The following GMDS variants were observed in gnomAD, a reference collection of about 807,000 sequenced individuals.
GMDS encodes GDP-mannose 4,6-dehydratase.
In GMDS, 20 loss-of-function variants were observed where a neutral mutation model predicts 49.9. That is an observed-to-expected ratio of 0.40 (90% confidence interval 0.28 to 0.58). GMDS has a LOEUF of 0.58. GMDS is among the 20% of genes least tolerant of loss of function. The pLI is 0.42. For synonymous variants in GMDS, 177 were observed against 178.6 expected (o/e 0.99, Z 0.07); for missense variants, 362 against 481.4 (o/e 0.75, Z 2.32).
chr6:1,626,766 T>C (rs1298388515), intron 9 of GMDS, among the ~76,000 whole-genome samples: 3 of 152,194 alleles, frequency 2.0e-5, no homozygotes, highest in Admixed American at 6.5e-5. Flanking sequence ...GCTTGGGAAA[T>C]GGAGCTTTGT....
At chr6:2,147,903 C>T (rs1776647529) in intron 1 of GMDS, among the ~76,000 whole-genome samples, 1 of 150,334 alleles carries the variant, frequency 6.7e-6, no homozygotes, top group African/African-American at 2.5e-5. Context: ...TGCATAATGA[C>T]ACAGATGTGT....
chr6:1,896,220 G>A (rs374467208), intron 7 of GMDS, among the ~76,000 whole-genome samples: 3 of 152,136 alleles, frequency 2.0e-5, no homozygotes, highest in East Asian at 3.9e-4. Flanking sequence ...CAGCATCCTC[G>A]GCCTCAACCC....
intron 7 of GMDS, among the ~76,000 whole-genome samples, chr6:1,894,800 C>G (rs945457505): frequency 6.6e-6 from 1 of 152,156 alleles, no homozygotes; most frequent in Non-Finnish European, 1.5e-5. Flanking sequence ...TCTAAAAGTA[C>G]TCTTAGGTAT....
At chr6:1,991,785 T>C (rs1765955662) in intron 4 of GMDS, among the ~76,000 whole-genome samples, 1 of 152,180 alleles carries the variant, frequency 6.6e-6, no homozygotes, top group Admixed American at 6.5e-5. Context: ...TCATTTGTAA[T>C]TAGAGTACCT....
At chr6:1,858,060 A>T (rs1260732015) in intron 7 of GMDS, among the ~76,000 whole-genome samples, 2 of 152,196 alleles carry the variant, frequency 1.3e-5, no homozygotes, top group African/African-American at 4.8e-5. Context: ...ACTTACGAAG[A>T]TCTATGTCAT....
At chr6:2,110,842 A>C (rs1363131876) in intron 4 of GMDS, among the ~76,000 whole-genome samples, 2 of 152,042 alleles carry the variant, frequency 1.3e-5, no homozygotes, top group Non-Finnish European at 2.9e-5. Context: ...AGTAAGAGAA[A>C]GTGAAAGAAA....
intron 7 of GMDS, among the ~76,000 whole-genome samples, chr6:1,919,913 A>G (rs1459300292): frequency 6.6e-6 from 1 of 152,218 alleles, no homozygotes; most frequent in Non-Finnish European, 1.5e-5. Context: ...CTACAAAGCC[A>G]TCAATTATCC....
intron 1 of GMDS, among the ~76,000 whole-genome samples, chr6:2,216,812 C>G (rs1182222054): frequency 1.3e-5 from 2 of 152,210 alleles, no homozygotes; most frequent in South Asian, 2.1e-4. Context: ...CCAAACACCC[C>G]CAAAGTGCTT....
At chr6:2,202,910 G>T (rs1779615990) in intron 1 of GMDS, among the ~76,000 whole-genome samples, 2 of 152,086 alleles carry the variant, frequency 1.3e-5, no homozygotes, top group African/African-American at 4.8e-5. Flanking sequence ...CACTTGACAG[G>T]GTCTGCAGAA....
intron 9 of GMDS, among the ~76,000 whole-genome samples, chr6:1,698,839 A>G (rs1317504374): frequency 6.8e-6 from 1 of 148,080 alleles, no homozygotes; most frequent in Non-Finnish European, 1.5e-5. Context: ...GAAGGAGCAG[A>G]TAAGTTCCTC....
chr6:2,036,575 C>G (rs1190845369), intron 4 of GMDS, among the ~76,000 whole-genome samples: 1 of 152,308 alleles, frequency 6.6e-6, no homozygotes, highest in East Asian at 1.9e-4. Context: ...TACCCATTAT[C>G]ATACTTGTGT....
In GMDS at chr6:2,037,611, C is replaced by T. The variant is rs559841542; in HGVS notation, c.346-76645G>A. ...ACATCGGTGATGGCATCAATGTCTA[C>T]GTCATAGTTCACCTCAAATTATGTC... is the stretch of plus-strand genomic sequence containing the variant. On this transcript the variant is annotated intron_variant, in intron 4 of 10. Transcript: ENST00000380815. Among the ~76,000 whole-genome samples the T allele has an allele frequency of 1.1e-4, 17 of 152,274 alleles. No individual in the cohort carries two copies. In the South Asian group the frequency reaches 1.2e-3, roughly 11 times the overall value.
At position 1,726,546 on chromosome 6, in the gene GMDS, ATTGC is replaced by A. The variant is rs1377576374; in HGVS notation, c.891-38_891-35del. 7.4e-6 allele frequency: 11 copies of A among 1,478,368 alleles called. No individual in the cohort carries two copies. In the Admixed American group the frequency reaches 8.4e-5, roughly 11 times the overall value. The allele number at this position is 1,478,368 out of a possible 1,614,324, so 91.6% of individuals were successfully genotyped here. On this transcript the variant is annotated intron_variant, in intron 8 of 10. Coordinates refer to ENST00000380815, the MANE Select transcript of GMDS (RefSeq NM_001500.4). ...AAGATAAACACTGAATCAGCTCCTAATTGCTTGGGAACATTTGGCCATGCTGTAG... is the reference window on the plus strand; with the variant it reads ...AAGATAAACACTGAATCAGCTCCTAATTGGGAACATTTGGCCATGCTGTAG...
intron 7 of GMDS, among the ~76,000 whole-genome samples, chr6:1,821,745 A>G (rs1425656330): frequency 6.6e-6 from 1 of 151,208 alleles, no homozygotes; most frequent in Non-Finnish European, 1.5e-5. Flanking sequence ...TAAAGAAGTC[A>G]TGAAAGCTTG....
At chr6:1,996,353 TC>T (rs1259643296) in intron 4 of GMDS, among the ~76,000 whole-genome samples, 4 of 152,144 alleles carry the variant, frequency 2.6e-5, no homozygotes, top group African/African-American at 4.8e-5. Context: ...GGGTGGCTAT[TC>T]CACTGCTGTC....
intron 6 of GMDS, among the ~76,000 whole-genome samples, chr6:1,931,173 A>G (rs992620057): frequency 6.6e-6 from 1 of 152,238 alleles, no homozygotes; most frequent in African/African-American, 2.4e-5. Context: ...GGATTCATAC[A>G]GTTTAGATAT....
At chr6:1,969,337 TTTAA>T (rs1054516104) in intron 4 of GMDS, among the ~76,000 whole-genome samples, 4 of 150,074 alleles carry the variant, frequency 2.7e-5, no homozygotes, top group Non-Finnish European at 5.9e-5. Context: ...TATTTATATA[TTTAA>T]TTATCCTGTA....
intron 4 of GMDS, among the ~76,000 whole-genome samples, chr6:2,001,215 T>A (rs1323882371): frequency 6.6e-6 from 1 of 152,214 alleles, no homozygotes; most frequent in Non-Finnish European, 1.5e-5. Flanking sequence ...TTCATTATGG[T>A]TTTGATTTGC....
At chr6:2,038,833 A>G (rs1769465529) in intron 4 of GMDS, among the ~76,000 whole-genome samples, 1 of 152,214 alleles carries the variant, frequency 6.6e-6, no homozygotes, top group Non-Finnish European at 1.5e-5. Context: ...TAATGGCAGA[A>G]GGCAGGGGCA....
Sources: gnomAD v4.1 joint callset for allele counts (sites outside exome capture counted in the v4.1 genomes callset) on GRCh38, gnomAD v4.1.1 for gene constraint, MANE v1.5 for transcripts, NCBI Gene and HGNC (gene_info 2026-07-23, HGNC 2026-07-21) for gene names.